Variants in DCC observed in about 807,000 individuals in gnomAD.
The protein encoded by DCC is DCC netrin 1 receptor.
A neutral mutation model predicts 172.5 loss-of-function variants in DCC; 58 were observed. That is an observed-to-expected ratio of 0.34 (90% CI 0.27 to 0.42). The LOEUF is 0.42. DCC is among the 10% of genes least tolerant of loss of function. The probability of loss-of-function intolerance (pLI) is 1.00; values close to 1 mark genes in which losing one functional copy is unlikely to be tolerated. For missense variants in DCC, 1,740 were observed against 1,791.0 expected, an observed-to-expected ratio of 0.97 and a Z score of 0.51; for synonymous variants, 709 against 644.5, an observed-to-expected ratio of 1.10 and a Z score of -1.52.
chr18:53,345,185 A>G (rs748498197), intron 15 of DCC, among the ~76,000 whole-genome samples: 9 of 151,814 alleles, frequency 5.9e-5, no homozygotes, highest in Non-Finnish European at 8.8e-5. Context: ...TTTTAATTTT[A>G]GCAACTATTT....
intron 1 of DCC, among the ~76,000 whole-genome samples, chr18:52,387,312 T>C (rs1329830157): frequency 6.6e-6 from 1 of 152,024 alleles, no homozygotes; most frequent in Non-Finnish European, 1.5e-5. Flanking sequence ...GGACAAAGGA[T>C]AAATGGATCT....
At chr18:52,814,335 C>A (rs1044458562) in intron 2 of DCC, among the ~76,000 whole-genome samples, 1 of 152,320 alleles carries the variant, frequency 6.6e-6, no homozygotes, top group South Asian at 2.1e-4. Context: ...TCCTGGAGAC[C>A]TTGTGACCCA....
intron 5 of DCC, among the ~76,000 whole-genome samples, chr18:53,056,409 C>A (rs2042404862): frequency 6.6e-6 from 1 of 152,094 alleles, no homozygotes; most frequent in African/African-American, 2.4e-5. Flanking sequence ...TAAACCACAC[C>A]AATATGTTAT....
intron 7 of DCC, among the ~76,000 whole-genome samples, chr18:53,142,713 G>C (rs1251629468): frequency 6.6e-6 from 1 of 152,148 alleles, no homozygotes; most frequent in Non-Finnish European, 1.5e-5. Context: ...TCACATGACT[G>C]TGTATTTCAA....
intron 7 of DCC, among the ~76,000 whole-genome samples, chr18:53,119,863 T>C (rs1013627677): frequency 3.3e-5 from 5 of 151,856 alleles, no homozygotes; most frequent in Non-Finnish European, 1.5e-5. Flanking sequence ...TTCTCTGGCC[T>C]CTATATTCTA....
intron 1 of DCC, among the ~76,000 whole-genome samples, chr18:52,416,525 A>C (rs1279767648): frequency 6.6e-6 from 1 of 151,158 alleles, no homozygotes; most frequent in Non-Finnish European, 1.5e-5. Context: ...TTTGTAGGTC[A>C]CTCAGGACTT....
intron 1 of DCC, among the ~76,000 whole-genome samples, chr18:52,525,139 TG>T (rs1488841147): frequency 6.6e-6 from 1 of 152,098 alleles, no homozygotes; most frequent in Non-Finnish European, 1.5e-5. Context: ...AACATTTAAG[TG>T]CACATTTCCA....
At chr18:53,425,357 C>CTCTTTTTT (rs1384934198) in intron 21 of DCC, among the ~76,000 whole-genome samples, 1 of 101,632 alleles carries the variant, frequency 9.8e-6, no homozygotes, top group Non-Finnish European at 1.9e-5. Flanking sequence ...TTTCTCCTCT[C>CTCTTTTTT]TTTTTTTTTT....
At chr18:53,282,791 T>C (rs2056888757) in intron 12 of DCC, among the ~76,000 whole-genome samples, 1 of 152,184 alleles carries the variant, frequency 6.6e-6, no homozygotes, top group Non-Finnish European at 1.5e-5. Context: ...CTCAGCCTCA[T>C]GTTATTGAAT....
chr18:53,196,946 G>T (rs138037965), intron 9 of DCC, among the ~76,000 whole-genome samples: 10 of 152,040 alleles, frequency 6.6e-5, no homozygotes, highest in Non-Finnish European at 1.5e-4. Context: ...CAGTCAAGGA[G>T]AGGTTTCATT....
At chr18:52,852,262 C>A (rs1243812849) in intron 2 of DCC, among the ~76,000 whole-genome samples, 1 of 152,002 alleles carries the variant, frequency 6.6e-6, no homozygotes, top group African/African-American at 2.4e-5. Context: ...TACTCTCTAG[C>A]TATCATTTTT....
intron 15 of DCC, among the ~76,000 whole-genome samples, chr18:53,375,462 GT>G (rs2058100407): frequency 6.6e-6 from 1 of 151,926 alleles, no homozygotes; most frequent in Admixed American, 6.6e-5. Flanking sequence ...AACTCATTTT[GT>G]TTTATTTTGT....
intron 2 of DCC, among the ~76,000 whole-genome samples, chr18:52,836,429 A>AC (rs1356624874): frequency 6.6e-6 from 1 of 152,216 alleles, no homozygotes; most frequent in Non-Finnish European, 1.5e-5. Flanking sequence ...TTGCAAAATC[A>AC]AAAGCAAGTT....
intron 12 of DCC, among the ~76,000 whole-genome samples, chr18:53,271,344 C>A (rs2056746356): frequency 6.6e-6 from 1 of 152,152 alleles, no homozygotes; most frequent in African/African-American, 2.4e-5. Flanking sequence ...TACCCCAAAA[C>A]TTACTGGCTT....
intron 1 of DCC, among the ~76,000 whole-genome samples, chr18:52,508,295 G>C (rs2031309152): frequency 6.6e-6 from 1 of 152,046 alleles, no homozygotes; most frequent in Non-Finnish European, 1.5e-5. Flanking sequence ...GATGTATTGG[G>C]TGGAGTAGAG....
At chr18:53,267,023 T>C (rs2056682788) in intron 12 of DCC, among the ~76,000 whole-genome samples, 1 of 152,004 alleles carries the variant, frequency 6.6e-6, no homozygotes, top group South Asian at 2.1e-4. Flanking sequence ...TGTTTTTGTT[T>C]CTTTTTGGTA....
At chr18:53,506,702 C>A (rs2046181508) in intron 27 of DCC, among the ~76,000 whole-genome samples, 1 of 151,820 alleles carries the variant, frequency 6.6e-6, no homozygotes, top group Admixed American at 6.6e-5. Flanking sequence ...TACTAAAATA[C>A]AAAAAATTAG....
chr18:52,914,419 ATATTTACAGAGAG>A (rs2040011700), intron 3 of DCC, among the ~76,000 whole-genome samples: 1 of 152,142 alleles, frequency 6.6e-6, no homozygotes, highest in African/African-American at 2.4e-5. Flanking sequence ...AGATGTAGGA[ATATTTACAGAGAG>A]GGAATGTCAT....
intron 5 of DCC, among the ~76,000 whole-genome samples, chr18:53,004,590 A>G (rs979765324): frequency 2.6e-5 from 4 of 152,186 alleles, no homozygotes; most frequent in African/African-American, 9.6e-5. Flanking sequence ...CAACAATAAT[A>G]CCTCCTAATT....
Sources: allele counts gnomAD v4.1 joint callset (sites outside exome capture counted in the v4.1 genomes callset), GRCh38; gene constraint gnomAD v4.1.1; transcripts MANE v1.5; gene names NCBI Gene and HGNC (gene_info 2026-07-23, HGNC 2026-07-21).